Variants in CAD observed in about 807,000 individuals in gnomAD.
The protein encoded by CAD is multifunctional protein CAD.
Under a neutral mutation model 237.2 loss-of-function variants are expected in CAD, and 81 were observed. The ratio of observed to expected loss-of-function variants is 0.34; its 90% confidence interval spans 0.29 to 0.41. CAD has a LOEUF of 0.41. Among genes scored for constraint, CAD ranks in the 10% least tolerant of loss-of-function variants. CAD has a pLI of 1.00. For synonymous variants in CAD, 1,196 were observed against 1,162.8 expected (o/e 1.03, Z -0.58); for missense variants, 2,181 against 2,951.7 (o/e 0.74, Z 6.05).
At position 27,234,085 on chromosome 2, in the gene CAD, T is replaced by A; in HGVS notation, c.3477T>A (p.Gly1159=). The change falls in exon 22 of 44, where the codon GGT becomes GGA. Residue 1159 remains glycine, a synonymous_variant. Transcript: ENST00000264705. Reference sequence around the variant, plus strand: ...TCTCTGAGCATGTGGAGAATGCAGGTGTGCATTCAGGTGATGCGACGCTGG... The same window carrying A: ...TCTCTGAGCATGTGGAGAATGCAGGAGTGCATTCAGGTGATGCGACGCTGG... The part of the protein sequence containing the change: ...IAISEHVENA[G]VHSGDATLVT... 1 of 1,614,038 alleles carries A rather than the reference T, an allele frequency of 6.2e-7. No homozygotes were observed. Among genetic ancestry groups the A allele is most frequent in the Non-Finnish European group, 8.5e-7 (1 of 1,179,916 alleles).
At chr2:27,219,715 G>A (rs1276568307) in intron 2 of CAD, among the ~76,000 whole-genome samples, 2 of 151,880 alleles carry the variant, frequency 1.3e-5, no homozygotes, top group Non-Finnish European at 2.9e-5. Context: ...TCAGCCTCCC[G>A]AGTAGCTGGG....
rs760914955 is a variant in CAD at position 27,237,557 on chromosome 2, C to T, written c.4563+12C>T. 2.0e-5 allele frequency: 32 copies of T among 1,610,682 alleles called. No individual in the cohort carries two copies. In the Admixed American group the frequency reaches 2.5e-4, roughly 13 times the overall value. ...CCCTGGCCCAGAAGGTGAGCCACTG[C>T]ACTCTTCCTGGTATTGGAGACCCAT... On this transcript the variant is annotated intron_variant, in intron 28 of 43. Transcript: ENST00000264705. The surrounding 1 kb of genome is among the most constrained non-coding windows in gnomAD (Gnocchi z 4.0).
chr2:27,239,325 G>T lies in CAD; in HGVS notation c.5254-6G>T. 5 of 1,612,780 alleles carry T rather than the reference G, an allele frequency of 3.1e-6. No individual in the cohort carries two copies. The highest frequency in any genetic ancestry group is 4.2e-6 in the Non-Finnish European group (5 of 1,179,046). ...TTCCCTAGCATAACCCATGTCCTCTGGGCAGGTGGATCTGGAGCATGAGTG... is the reference window on the plus strand; with the variant it reads ...TTCCCTAGCATAACCCATGTCCTCTTGGCAGGTGGATCTGGAGCATGAGTG... On this transcript the variant is annotated splice_polypyrimidine_tract_variant and splice_region_variant and intron_variant, in intron 32 of 43. Coordinates refer to ENST00000264705, the MANE Select transcript of CAD (RefSeq NM_004341.5). The surrounding 1 kb of genome is among the most constrained non-coding windows in gnomAD (Gnocchi z 4.0).
Position 27,233,800 on chromosome 2 carries a change from G to A in CAD, c.3391G>A (p.Glu1131Lys). The change falls in exon 21 of 44, where the codon GAG (glutamate) becomes AAG (lysine). Residue 1131 changes from glutamate (E) to lysine (K), a missense_variant. Around this residue, in one of 12 missense-constraint regions of CAD, gnomAD observed 306 missense variants for 607.9 expected, o/e 0.50. Coordinates refer to ENST00000264705, the MANE Select transcript of CAD (RefSeq NM_004341.5). The surrounding 1 kb of genome is among the most constrained non-coding windows in gnomAD (Gnocchi z 6.3). ...HPVVISKFIQ[E>K]AKEIDVDAVA... ...CGTGGTCATCTCCAAGTTCATCCAG[G>A]AGGCTAAGGTGGGAGGCTGCAGACA... is the stretch of plus-strand genomic sequence containing the variant. 6.2e-7 allele frequency: 1 copy of A among 1,613,802 alleles called. No homozygotes were observed. Among genetic ancestry groups the A allele is most frequent in the Non-Finnish European group, 8.5e-7 (1 of 1,180,020 alleles).
At position 27,235,479 on chromosome 2, in the gene CAD, C is replaced by T; in HGVS notation, c.3969+52C>T. 1 of 1,611,228 alleles carries T rather than the reference C, an allele frequency of 6.2e-7. No homozygotes were observed. Among genetic ancestry groups the T allele is most frequent in the Non-Finnish European group, 8.5e-7 (1 of 1,177,806 alleles). ...AGGGCCGTGGCTCCCTGGGCCAGGG[C>T]TGACCTTGAAATGGAAGACAGGAAG... is the stretch of plus-strand genomic sequence containing the variant. On this transcript the variant is annotated intron_variant, in intron 24 of 43. Coordinates refer to ENST00000264705, the MANE Select transcript of CAD (RefSeq NM_004341.5). This position sits in a 1 kb window ranked among gnomAD's most constrained non-coding sequence, Gnocchi z 5.2.
chr2:27,236,923 TTTGTCCTGGAC>T lies in CAD; in HGVS notation c.4396+95_4396+105del. On this transcript the variant is annotated intron_variant, in intron 27 of 43. Transcript: ENST00000264705. The surrounding 1 kb of genome is among the most constrained non-coding windows in gnomAD (Gnocchi z 4.1). ...TGAAGGATGGCTGGGGGGCCCACTC[TTTGTCCTGGAC>T]TGCACAGACTGTGAAGACCCCAGAA... 1 of 1,023,116 alleles carries T rather than the reference TTTGTCCTGGAC, an allele frequency of 9.8e-7. No homozygotes were observed. Among genetic ancestry groups the T allele is most frequent in the East Asian group, 2.4e-5 (1 of 42,220 alleles). 63.4% of individuals were successfully genotyped at this position (1,023,116 alleles called of 1,614,324 possible). A position where few individuals can be genotyped will look rare whatever the true frequency, so the allele number is the denominator to read the frequency against.
intron 11 of CAD, 53 bp from the exon 12 acceptor site, chr2:27,225,652 C>T (rs1675413796): frequency 3.0e-6 from 4 of 1,334,068 alleles, no homozygotes; most frequent in South Asian, 1.2e-5. Context: ...GGGACAGGCA[C>T]ACCTTGGACA....
At position 27,224,498 on chromosome 2, in the gene CAD, A is replaced by G. The variant is rs1021041711; in HGVS notation, c.1254+8A>G. On this transcript the variant is annotated splice_region_variant and intron_variant, in intron 9 of 43. Coordinates refer to ENST00000264705, the MANE Select transcript of CAD (RefSeq NM_004341.5). The stretch of plus-strand genomic sequence containing the variant: ...GACTACTCGGGCTCTCAGGTGAGGC[A>G]TGTTCCTCCCCACCCTTCTGGGCGT... 6.2e-7 allele frequency: 1 copy of G among 1,613,428 alleles called. No individual in the cohort carries two copies. The highest frequency in any genetic ancestry group is 8.5e-7 in the Non-Finnish European group (1 of 1,179,580).
intron 15 of CAD, 79 bp downstream of exon 15, chr2:27,227,041 GC>G: frequency 7.9e-7 from 1 of 1,268,742 alleles, no homozygotes; most frequent in Non-Finnish European, 1.1e-6. Context: ...CCCTGGCATG[GC>G]CTTTTACGTC....
intron 11 of CAD, 60 bp downstream of exon 11, chr2:27,225,303 CTTTTTTTT>C (rs1221617250): frequency 1.5e-5 from 8 of 542,014 alleles, no homozygotes; most frequent in Non-Finnish European, 2.1e-5. Flanking sequence ...GTGTTATTTT[CTTTTTTTT>C]TTTTTTTTTT....
Position 27,237,515 on chromosome 2 carries a change from T to C in CAD, c.4533T>C (p.Ile1511=). Residue 1511 remains isoleucine (I), a synonymous_variant, in exon 28 of 44, where the codon ATT becomes ATC. Transcript: ENST00000264705. This position sits in a 1 kb window ranked among gnomAD's most constrained non-coding sequence, Gnocchi z 4.0. ...TGCCTAATACCCGGCCCCCCATCAT[T>C]GACGCCCCTGCTCTGGCCCTGGCCC... The part of the protein sequence containing the change: ...CAMPNTRPPI[I]DAPALALAQK... 6.2e-7 allele frequency: 1 copy of C among 1,613,932 alleles called. No homozygotes were observed. Among genetic ancestry groups the C allele is most frequent in the South Asian group, 1.1e-5 (1 of 91,054 alleles).
rs746332676 is a variant in CAD, at chr2:27,239,476, G to T, written c.5394+5G>T. ...GTTGCCTATATCGATGGGCAGGTAC[G>T]CAAGTAGCCCCTGCCTGATCTCAGT... is the stretch of plus-strand genomic sequence containing the variant. On this transcript the variant is annotated splice_donor_5th_base_variant and intron_variant, in intron 33 of 43. Coordinates refer to ENST00000264705, the MANE Select transcript of CAD (RefSeq NM_004341.5). This position sits in a 1 kb window ranked among gnomAD's most constrained non-coding sequence, Gnocchi z 4.0. 1.2e-6 allele frequency: 2 copies of T among 1,612,812 alleles called. No homozygotes were observed. Among genetic ancestry groups the T allele is most frequent in the Non-Finnish European group, 1.7e-6 (2 of 1,179,356 alleles).
intron 15 of CAD, 77 bp downstream of exon 15, chr2:27,227,039 T>C: frequency 7.5e-7 from 1 of 1,338,966 alleles, no homozygotes; most frequent in South Asian, 1.2e-5. Flanking sequence ...TTCCCTGGCA[T>C]GGCCTTTTAC....
rs1034216839 is a variant in CAD, at chr2:27,237,143, C to T, written c.4397-236C>T. 1.3e-5 allele frequency among the ~76,000 whole-genome samples: 2 copies of T among 151,750 alleles called. No individual in the cohort carries two copies. The highest frequency in any genetic ancestry group is 2.4e-5 in the African/African-American group (1 of 41,200). On this transcript the variant is annotated intron_variant, in intron 27 of 43. Coordinates refer to ENST00000264705, the MANE Select transcript of CAD (RefSeq NM_004341.5). This position sits in a 1 kb window ranked among gnomAD's most constrained non-coding sequence, Gnocchi z 4.0. ...GGTTCAAGCGATTTTCCTGCCTCAG[C>T]CTCCCAAGTAGCTGGGATTACAGGT... is the stretch of plus-strand genomic sequence containing the variant.
chr2:27,221,242 G>C lies in CAD; in HGVS notation c.247G>C (p.Val83Leu), dbSNP rs185636734. 3 of 1,567,816 alleles carry C rather than the reference G, an allele frequency of 1.9e-6. No individual in the cohort carries two copies. Among genetic ancestry groups the C allele is most frequent in the Non-Finnish European group, 2.6e-6 (3 of 1,153,806 alleles). Residue 83 changes from valine (V) to leucine (L), a missense_variant, in exon 3 of 44, where the codon GTA becomes CTA. Val to Leu is a conservative substitution (Grantham distance 32). This residue lies in a region of CAD where 314 missense variants were observed against 339.4 expected (regional missense o/e 0.93). Transcript: ENST00000264705. ...CKWFESSGIH[V>L]AALVVGECCP... ...GTGGTTTGAATCCTCGGGCATCCAC[G>C]TAGCAGCACTGGTAGTGGGAGAGTG...
Position 27,240,477 on chromosome 2 carries a change from A to C in CAD, c.5593+116A>C. 1.3e-6 allele frequency: 2 copies of C among 1,484,188 alleles called. 1 individual carries two copies. The highest frequency in any genetic ancestry group is 2.3e-5 in the South Asian group (2 of 86,046). The allele number at this position is 1,484,188 out of a possible 1,614,324, so 91.9% of individuals were successfully genotyped here. On this transcript the variant is annotated intron_variant, in intron 35 of 43. Coordinates refer to ENST00000264705, the MANE Select transcript of CAD (RefSeq NM_004341.5). The surrounding 1 kb of genome is among the most constrained non-coding windows in gnomAD (Gnocchi z 4.6). ...CTCTCCATCCCTTTATCCTCGTCTG[A>C]TCTGCCGTGCCATCCTTTGCCTAAA... is the stretch of plus-strand genomic sequence containing the variant.
chr2:27,233,995 G>T lies in CAD; in HGVS notation c.3400-13G>T, dbSNP rs533509968. ...AGTGGCCCTATGTCCCACTGTCTGT[G>T]TCCCCCCGCTAGGAGATTGACGTGG... On this transcript the variant is annotated splice_polypyrimidine_tract_variant and intron_variant, in intron 21 of 43. Transcript: ENST00000264705. This position sits in a 1 kb window ranked among gnomAD's most constrained non-coding sequence, Gnocchi z 6.3. 2.5e-6 allele frequency: 4 copies of T among 1,611,736 alleles called. No homozygotes were observed. The African/African-American group carries it at 4.0e-5, about 16-fold the overall frequency.
Position 27,240,038 on chromosome 2 carries a change from T to G in CAD, c.5497-227T>G, listed in dbSNP as rs778778903. The G allele has an allele frequency of 1.4e-5, 8 of 592,562 alleles. No homozygotes were observed. Among genetic ancestry groups the G allele is most frequent in the Non-Finnish European group, 2.1e-5 (7 of 338,748 alleles). The allele number at this position is 592,562 out of a possible 1,614,324, so 36.7% of individuals were successfully genotyped here. ...GGCGGATCATCTGAGGTCAGGAGTT[T>G]AAGACCAGCCTAGCCAACATGGTGA... is the stretch of plus-strand genomic sequence containing the variant. On this transcript the variant is annotated intron_variant, in intron 34 of 43. Transcript: ENST00000264705. The surrounding 1 kb of genome is among the most constrained non-coding windows in gnomAD (Gnocchi z 4.6).
At position 27,237,600 on chromosome 2, in the gene CAD, C is replaced by T. The variant is rs1376931528; in HGVS notation, c.4563+55C>T. 2 of 1,585,154 alleles carry T rather than the reference C, an allele frequency of 1.3e-6. No individual in the cohort carries two copies. Among genetic ancestry groups the T allele is most frequent in the African/African-American group, 1.3e-5 (1 of 74,358 alleles). ...AGACCCATATGCCCCTACCAGCCACCCTTGCTTCCCTGAGCCCTTTTCCTT... is the reference window on the plus strand; with the variant it reads ...AGACCCATATGCCCCTACCAGCCACTCTTGCTTCCCTGAGCCCTTTTCCTT... On this transcript the variant is annotated intron_variant, in intron 28 of 43. Coordinates refer to ENST00000264705, the MANE Select transcript of CAD (RefSeq NM_004341.5). The surrounding 1 kb of genome is among the most constrained non-coding windows in gnomAD (Gnocchi z 4.0).
Sources: allele counts gnomAD v4.1 joint callset (sites outside exome capture counted in the v4.1 genomes callset), GRCh38; gene constraint gnomAD v4.1.1; regional missense constraint gnomAD v4.1.1; non-coding constraint Gnocchi (gnomAD v3.1); transcripts MANE v1.5; gene names NCBI Gene and HGNC (gene_info 2026-07-23, HGNC 2026-07-21).